The following ZMYND8 variants were observed in gnomAD, a reference collection of about 807,000 sequenced individuals.
The protein encoded by ZMYND8 is MYND-type zinc finger-containing chromatin reader ZMYND8.
A neutral mutation model predicts 140.8 loss-of-function variants in ZMYND8; 37 were observed. That is an observed-to-expected ratio of 0.26 (90% CI 0.20 to 0.35). The LOEUF (loss-of-function observed/expected upper bound fraction) is 0.35, where lower values mean the gene tolerates loss of function less well. Among genes scored for constraint, ZMYND8 ranks in the 10% least tolerant of loss-of-function variants. The pLI, the probability that ZMYND8 is intolerant of heterozygous loss-of-function variation, is 1.00. For missense variants in ZMYND8, 1,068 were observed against 1,570.0 expected (o/e 0.68, Z 5.40); for synonymous variants, 592 against 597.1 (o/e 0.99, Z 0.12).
At chr20:47,266,432 C>T (rs1398784924) in intron 11 of ZMYND8, among the ~76,000 whole-genome samples, 1 of 152,154 alleles carries the variant, frequency 6.6e-6, no homozygotes, top group Non-Finnish European at 1.5e-5. Flanking sequence ...AGGCGCCCAC[C>T]ACCACGCCCG....
intron 2 of ZMYND8, among the ~76,000 whole-genome samples, chr20:47,313,451 T>C (rs2079115026): frequency 2.0e-5 from 3 of 151,220 alleles, no homozygotes; most frequent in Admixed American, 2.0e-4. Context: ...TGAAACCCCG[T>C]CTCTACCAAA....
intron 15 of ZMYND8, chr20:47,237,408 T>A (rs888507751): frequency 2.0e-5 from 3 of 152,036 alleles, no homozygotes; most frequent in Non-Finnish European, 2.9e-5. Flanking sequence ...TCTGCCTGCC[T>A]TGGCCTCCCA....
At chr20:47,330,181 AG>A (rs994822284) in intron 2 of ZMYND8, among the ~76,000 whole-genome samples, 1 of 152,078 alleles carries the variant, frequency 6.6e-6, no homozygotes, top group African/African-American at 2.4e-5. Context: ...TGCACATCAC[AG>A]GACTCTCACA....
intron 2 of ZMYND8, among the ~76,000 whole-genome samples, chr20:47,332,031 G>A (rs978069216): frequency 5.9e-5 from 9 of 152,044 alleles, no homozygotes; most frequent in East Asian, 1.9e-4. Context: ...GTGAAACCCC[G>A]TCTCTACTAA....
chr20:47,227,329 A>G (rs1372579878), intron 17 of ZMYND8, 48 bp from the exon 18 acceptor site: 1 of 1,588,838 alleles, frequency 6.3e-7, no homozygotes, highest in Non-Finnish European at 8.6e-7. Context: ...CATGCAGTTC[A>G]CCAGGAGGGC....
chr20:47,229,575 AC>A (rs1247567525), intron 17 of ZMYND8, 150 bp downstream of exon 17: 2 of 672,588 alleles, frequency 3.0e-6, no homozygotes, highest in Non-Finnish European at 5.1e-6. Context: ...AGGAAAAAAT[AC>A]CCCCATCGAT....
intron 3 of ZMYND8, among the ~76,000 whole-genome samples, chr20:47,303,308 C>G (rs1343213451): frequency 6.6e-6 from 1 of 152,082 alleles, no homozygotes; most frequent in Non-Finnish European, 1.5e-5. Context: ...ATTTCTACCC[C>G]GAGTGAGGTC....
rs1010269629 is a variant in ZMYND8 at position 47,313,132 on chromosome 20, A to C, written c.86-2928T>G. ...GTAATCCCAGCACTTTGAGAGGCCG[A>C]GGGGGAAGGATTGCTTGAGCCCAGG... On this transcript the variant is annotated intron_variant, in intron 2 of 22. Transcript: ENST00000471951. Among the ~76,000 whole-genome samples the C allele has an allele frequency of 2.0e-5, 3 of 151,596 alleles. No homozygotes were observed. In the East Asian group the frequency reaches 5.8e-4, roughly 29 times the overall value.
intron 21 of ZMYND8, among the ~76,000 whole-genome samples, chr20:47,214,106 T>C (rs1290693836): frequency 6.6e-6 from 1 of 152,150 alleles, no homozygotes; most frequent in Non-Finnish European, 1.5e-5. Flanking sequence ...CATAAATAGC[T>C]CAGAAGCCTT....
intron 12 of ZMYND8, among the ~76,000 whole-genome samples, chr20:47,253,904 T>G (rs1385265842): frequency 6.6e-6 from 1 of 152,364 alleles, no homozygotes; most frequent in East Asian, 1.9e-4. Flanking sequence ...CTCTGGTCAG[T>G]AAGCTGCTGT....
chr20:47,261,036 ACATGGAGAAACCT>A (rs1012587977), intron 12 of ZMYND8, among the ~76,000 whole-genome samples: 1 of 152,104 alleles, frequency 6.6e-6, no homozygotes, highest in African/African-American at 2.4e-5. Flanking sequence ...AGCCTGACCA[ACATGGAGAAACCT>A]CATCTCTACT....
intron 21 of ZMYND8, among the ~76,000 whole-genome samples, chr20:47,219,198 C>T (rs1174679760): frequency 1.3e-5 from 2 of 151,318 alleles, no homozygotes; most frequent in East Asian, 4.0e-4. Context: ...GCTGGGATTA[C>T]AGGCGCATGT....
Position 47,210,150 on chromosome 20 carries a change from C to T in ZMYND8, c.*611G>A, listed in dbSNP as rs530958910. The T allele has an allele frequency of 3.9e-5, 6 of 152,788 alleles. No homozygotes were observed. The East Asian group carries it at 5.7e-4, about 15-fold the overall frequency. The allele number at this position is 152,788 out of a possible 1,614,324, so 9.5% of individuals were successfully genotyped here. ...GTGTCCGTCTGGTCCGGAGAGCTTGCGTTTTAGGAACGTGGTAACGTAGTA... is the reference window on the plus strand; with the variant it reads ...GTGTCCGTCTGGTCCGGAGAGCTTGTGTTTTAGGAACGTGGTAACGTAGTA... On this transcript the variant is annotated 3_prime_UTR_variant, in exon 23 of 23. Transcript: ENST00000471951.
intron 10 of ZMYND8, among the ~76,000 whole-genome samples, chr20:47,281,669 G>A (rs2076613924): frequency 6.6e-6 from 1 of 152,186 alleles, no homozygotes; most frequent in African/African-American, 2.4e-5. Flanking sequence ...GGGAACAGGA[G>A]AGAACTACTC....
intron 12 of ZMYND8, among the ~76,000 whole-genome samples, chr20:47,257,413 A>G (rs575047383): frequency 2.6e-5 from 4 of 152,160 alleles, no homozygotes; most frequent in African/African-American, 9.6e-5. Flanking sequence ...CCATATACTC[A>G]TATGCCATAC....
At chr20:47,238,227 G>A (rs191940677) in intron 15 of ZMYND8, 1 of 170,972 alleles carries the variant, frequency 5.8e-6, no homozygotes, top group East Asian at 1.7e-4. Context: ...TGTATGTGCT[G>A]ATGTGGATGG....
intron 2 of ZMYND8, among the ~76,000 whole-genome samples, chr20:47,341,001 T>C (rs1421860835): frequency 2.0e-5 from 3 of 152,242 alleles, no homozygotes; most frequent in East Asian, 1.9e-4. Flanking sequence ...CTGAACACTG[T>C]AGATCAGGTT....
At chr20:47,247,851 C>A (rs2147305099) in intron 13 of ZMYND8, among the ~76,000 whole-genome samples, 1 of 152,330 alleles carries the variant, frequency 6.6e-6, no homozygotes, top group African/African-American at 2.4e-5. Context: ...GTGGTGCACA[C>A]CTGTGGTCCC....
chr20:47,259,079 A>G (rs987324730), intron 12 of ZMYND8, among the ~76,000 whole-genome samples: 3 of 152,026 alleles, frequency 2.0e-5, no homozygotes, highest in Non-Finnish European at 1.5e-5. Context: ...GCCAAACTGA[A>G]AGACCCACAG....
Sources: gnomAD v4.1 joint callset for allele counts (sites outside exome capture counted in the v4.1 genomes callset) on GRCh38, gnomAD v4.1.1 for gene constraint, MANE v1.5 for transcripts, NCBI Gene and HGNC (gene_info 2026-07-23, HGNC 2026-07-21) for gene names.